The following BLVRB variants were observed in gnomAD, a reference collection of about 807,000 sequenced individuals.
The protein encoded by BLVRB is flavin reductase (NADPH).
Under a neutral mutation model 21.1 loss-of-function variants are expected in BLVRB, and 25 were observed. The ratio of observed to expected loss-of-function variants is 1.19; its 90% confidence interval spans 0.86 to 1.66. The LOEUF is 1.66. Among genes scored for constraint, BLVRB ranks in the 40% most tolerant of loss-of-function variants. The probability of loss-of-function intolerance (pLI) is 0.00; values close to 1 mark genes in which losing one functional copy is unlikely to be tolerated. For missense variants in BLVRB, 274 were observed against 282.7 expected (o/e 0.97, Z 0.22); for synonymous variants, 128 against 122.2 (o/e 1.05, Z -0.31).
At position 40,465,731 on chromosome 19, in the gene BLVRB, G is replaced by C. The variant is rs773024145; in HGVS notation, c.-43C>G. 1.9e-6 allele frequency: 3 copies of C among 1,597,288 alleles called. No individual in the cohort carries two copies. The highest frequency in any genetic ancestry group is 2.6e-6 in the Non-Finnish European group (3 of 1,168,996). On this transcript the variant is annotated 5_prime_UTR_variant, in exon 1 of 5. Transcript: ENST00000263368. Reference sequence around the variant, plus strand: ...GTGCAAGGCCTCAGAGTCTCGGCACGCGCGGGAACCCACTGGCTGCTGGGC... The same window carrying C: ...GTGCAAGGCCTCAGAGTCTCGGCACCCGCGGGAACCCACTGGCTGCTGGGC...
intron 1 of BLVRB, among the ~76,000 whole-genome samples, chr19:40,459,752 G>T (rs989817403): frequency 6.6e-6 from 1 of 152,192 alleles, no homozygotes; most frequent in African/African-American, 2.4e-5. Context: ...TGTGTTTCTA[G>T]TAGAGATAGG....
At chr19:40,456,916 A>C (rs147702833) in intron 3 of BLVRB, among the ~76,000 whole-genome samples, 2,232 of 152,138 alleles carry the variant, frequency 0.015, 124 homozygotes, top group Admixed American at 0.11. Context: ...GTCAGACTTC[A>C]TCTCAAAGAA....
chr19:40,448,582 C>A (rs1049138934), intron 4 of BLVRB, among the ~76,000 whole-genome samples: 1 of 145,978 alleles, frequency 6.9e-6, no homozygotes. Context: ...CAGAGCAAGA[C>A]CTTGTCTCTA....
intron 1 of BLVRB, among the ~76,000 whole-genome samples, chr19:40,465,087 G>C (rs887152767): frequency 1.3e-5 from 2 of 152,126 alleles, no homozygotes; most frequent in Admixed American, 1.3e-4. Flanking sequence ...TCAGTTTCCA[G>C]CCTGGGGACT....
At chr19:40,450,884 AT>A (rs2079736730) in intron 4 of BLVRB, among the ~76,000 whole-genome samples, 1 of 150,660 alleles carries the variant, frequency 6.6e-6, no homozygotes, top group Non-Finnish European at 1.5e-5. Flanking sequence ...CTATCTATCT[AT>A]CTATCTAATC....
intron 1 of BLVRB, among the ~76,000 whole-genome samples, chr19:40,462,521 G>A (rs934351729): frequency 2.7e-5 from 4 of 150,330 alleles, no homozygotes; most frequent in Non-Finnish European, 4.4e-5. Context: ...CTTGTGATCC[G>A]CCCACCTTGG....
chr19:40,464,282 T>G (rs974175279), intron 1 of BLVRB, among the ~76,000 whole-genome samples: 5 of 151,680 alleles, frequency 3.3e-5, no homozygotes, highest in Non-Finnish European at 7.4e-5. Context: ...TTTGTAGAGA[T>G]GGGGTCTTGC....
intron 1 of BLVRB, among the ~76,000 whole-genome samples, chr19:40,459,282 T>G (rs1299988706): frequency 8.3e-6 from 1 of 120,430 alleles, no homozygotes; most frequent in Non-Finnish European, 1.6e-5. Flanking sequence ...GAGCAGAGAT[T>G]GCACCAGTGC....
intron 1 of BLVRB, among the ~76,000 whole-genome samples, chr19:40,463,106 C>T (rs1279493012): frequency 6.6e-6 from 1 of 152,096 alleles, no homozygotes; most frequent in Non-Finnish European, 1.5e-5. Context: ...TTGTAACTCA[C>T]AGTTTGAGAA....
At chr19:40,460,439 G>C in intron 1 of BLVRB, among the ~76,000 whole-genome samples, 1 of 149,506 alleles carries the variant, frequency 6.7e-6, no homozygotes, top group African/African-American at 2.5e-5. Flanking sequence ...ACCAGACTGG[G>C]CAACATAGTG....
intron 1 of BLVRB, among the ~76,000 whole-genome samples, chr19:40,463,940 C>T (rs1023191268): frequency 2.6e-5 from 4 of 151,788 alleles, no homozygotes; most frequent in Admixed American, 6.6e-5. Context: ...GCTAATTTTT[C>T]GTATTTTTAG....
At chr19:40,455,401 G>A (rs1336076084) in intron 3 of BLVRB, among the ~76,000 whole-genome samples, 2 of 152,202 alleles carry the variant, frequency 1.3e-5, no homozygotes, top group Non-Finnish European at 2.9e-5. Context: ...CTGTGGGTGT[G>A]CAACTCCATT....
chr19:40,462,122 C>T (rs1383678159), intron 1 of BLVRB, among the ~76,000 whole-genome samples: 1 of 152,184 alleles, frequency 6.6e-6, no homozygotes, highest in Admixed American at 6.5e-5. Context: ...CAACCTCTTC[C>T]GTGATTGGAC....
At chr19:40,448,168 C>T (rs1251317762) in intron 4 of BLVRB, 122 bp from the exon 5 acceptor site, 1 of 1,041,584 alleles carries the variant, frequency 9.6e-7, no homozygotes, top group African/African-American at 1.6e-5. Context: ...GGTGTCACAG[C>T]CAAGAATGGA....
intron 1 of BLVRB, among the ~76,000 whole-genome samples, chr19:40,459,382 A>G (rs2079777028): frequency 6.9e-6 from 1 of 145,768 alleles, no homozygotes; most frequent in African/African-American, 2.5e-5. Flanking sequence ...CTTCATGATA[A>G]TTCATAAATA....
intron 1 of BLVRB, among the ~76,000 whole-genome samples, chr19:40,461,238 G>A (rs565434993): frequency 1.3e-5 from 2 of 152,090 alleles, no homozygotes; most frequent in Non-Finnish European, 2.9e-5. Flanking sequence ...CCAGGCCTAC[G>A]TCTCCTTCCT....
At chr19:40,453,480 T>C (rs989207732) in intron 3 of BLVRB, among the ~76,000 whole-genome samples, 1 of 152,196 alleles carries the variant, frequency 6.6e-6, no homozygotes, top group Admixed American at 6.6e-5. Flanking sequence ...AGGTACTTAC[T>C]AAATATTTGT....
intron 3 of BLVRB, among the ~76,000 whole-genome samples, chr19:40,452,895 C>CA (rs929315680): frequency 1.4e-3 from 65 of 45,358 alleles, no homozygotes; most frequent in East Asian, 5.7e-3. Context: ...CAAAACAAAA[C>CA]AAAAAAAACA....
In BLVRB at chr19:40,458,684, G is replaced by A. The variant is rs1002213552; in HGVS notation, c.80-139C>T. Reference sequence around the variant, plus strand: ...GGGAAGTGGTCTTCAAACATTTTTGGTTTTTTCTTTTTGTTTGTTTTGTTT... The same window carrying A: ...GGGAAGTGGTCTTCAAACATTTTTGATTTTTTCTTTTTGTTTGTTTTGTTT... On this transcript the variant is annotated intron_variant, in intron 1 of 4. Transcript: ENST00000263368. The A allele has an allele frequency of 1.2e-5, 15 of 1,220,336 alleles. No homozygotes were observed. In the East Asian group the frequency reaches 3.7e-4, roughly 30 times the overall value. The allele number at this position is 1,220,336 out of a possible 1,614,324, so 75.6% of individuals were successfully genotyped here.
Sources: gnomAD v4.1 joint callset for allele counts (sites outside exome capture counted in the v4.1 genomes callset) on GRCh38, gnomAD v4.1.1 for gene constraint, MANE v1.5 for transcripts, NCBI Gene and HGNC (gene_info 2026-07-23, HGNC 2026-07-21) for gene names.